Variants in UROC1 observed in about 807,000 individuals in gnomAD.
The protein encoded by UROC1 is urocanate hydratase 1, also known as urocanate hydratase.
A neutral mutation model predicts 89.5 loss-of-function variants in UROC1; 79 were observed. The ratio of observed to expected loss-of-function variants is 0.88; its 90% CI spans 0.74 to 1.06. The LOEUF is 1.06. Ranked by LOEUF, UROC1 falls within the 50% of genes least tolerant of loss-of-function variation. UROC1 has a pLI of 0.00. For missense variants in UROC1, 885 were observed against 907.8 expected (o/e 0.97, Z 0.32); for synonymous variants, 361 against 354.8 (o/e 1.02, Z -0.20).
At chr3:126,513,085 AC>A (rs1363268503) in intron 1 of UROC1, among the ~76,000 whole-genome samples, 1 of 152,102 alleles carries the variant, frequency 6.6e-6, no homozygotes, top group African/African-American at 2.4e-5. Context: ...GTGGCTGAGC[AC>A]CGAAATGAAG....
intron 10 of UROC1, 77 bp downstream of exon 10, chr3:126,501,140 TG>T: frequency 6.9e-7 from 1 of 1,456,578 alleles, no homozygotes; most frequent in Non-Finnish European, 9.6e-7. Context: ...TGGCAGCTCC[TG>T]GTCAGCATTG....
intron 14 of UROC1, 119 bp downstream of exon 14, chr3:126,497,932 C>G (rs1487994026): frequency 1.0e-5 from 16 of 1,573,250 alleles, no homozygotes; most frequent in Non-Finnish European, 1.4e-5. Context: ...ACAAAGTCAT[C>G]TGCGCCCAGG....
In UROC1 at chr3:126,483,595, C is replaced by G. The variant is rs1192952628; in HGVS notation, c.1791-127G>C. ...GGGTTGGGGCCGCCACACCGCCAGC[C>G]TCTGCAACCTGGTGGATGCAGGAGT... On this transcript the variant is annotated intron_variant, in intron 18 of 19. Coordinates refer to ENST00000290868, the MANE Select transcript of UROC1 (RefSeq NM_144639.3). 5 of 845,738 alleles carry G rather than the reference C, an allele frequency of 5.9e-6. No homozygotes were observed. In the African/African-American group the frequency reaches 8.3e-5, roughly 14 times the overall value. The allele number at this position is 845,738 out of a possible 1,614,324, so 52.4% of individuals were successfully genotyped here. A position where few individuals can be genotyped will look rare whatever the true frequency, so the allele number is the denominator to read the frequency against.
chr3:126,507,817 T>TG lies in UROC1; in HGVS notation c.541-15dup, dbSNP rs570757415. 1.5e-3 allele frequency: 2,445 copies of TG among 1,613,972 alleles called. 56 individuals are homozygous for TG. The South Asian group carries it at 0.025, about 17-fold the overall frequency. ...GTTGGGAATGACCTGGAGAAGAGGA[T>TG]GGGGGCAGACAGAGGGGCTGAGGGC... is the stretch of plus-strand genomic sequence containing the variant. On this transcript the variant is annotated splice_polypyrimidine_tract_variant and intron_variant, in intron 5 of 19. Transcript: ENST00000290868.
At chr3:126,508,986 C>G (rs1936132328) in intron 3 of UROC1, among the ~76,000 whole-genome samples, 1 of 152,088 alleles carries the variant, frequency 6.6e-6, no homozygotes, top group South Asian at 2.1e-4. Context: ...CTGCTCCTTG[C>G]ATAGATACAC....
chr3:126,493,550 A>G (rs968151206), intron 15 of UROC1, among the ~76,000 whole-genome samples: 1 of 152,180 alleles, frequency 6.6e-6, no homozygotes. Flanking sequence ...TCTCGCTTAT[A>G]TGAGGTTGTT....
chr3:126,501,667 G>T (rs1002530236), intron 9 of UROC1: 1 of 1,165,684 alleles, frequency 8.6e-7, no homozygotes, highest in African/African-American at 1.5e-5. Flanking sequence ...CGGAAAAATA[G>T]GACAGGAAAA....
chr3:126,513,993 A>AC (rs1042458526), intron 1 of UROC1, among the ~76,000 whole-genome samples: 4 of 152,246 alleles, frequency 2.6e-5, no homozygotes, highest in Admixed American at 2.6e-4. Context: ...CTCCGTCTCC[A>AC]CATCTGTGCA....
In UROC1 at chr3:126,492,521, G is replaced by A; in HGVS notation, c.1510-5C>T. ...CCTTGCCTGGGAGCCCACCACCTGA[G>A]GAGAGAAGGGCAACTGGCATCTCAG... On this transcript the variant is annotated splice_polypyrimidine_tract_variant and splice_region_variant and intron_variant, in intron 15 of 19. Coordinates refer to ENST00000290868, the MANE Select transcript of UROC1 (RefSeq NM_144639.3). The A allele has an allele frequency of 6.2e-7, 1 of 1,609,832 alleles. No homozygotes were observed. The highest frequency in any genetic ancestry group is 8.5e-7 in the Non-Finnish European group (1 of 1,179,078).
chr3:126,500,678 C>A lies in UROC1; in HGVS notation c.1145+17G>T. ...CCCAGGCCAAATGCTTCTGCCACCC[C>A]CAACTCCAAGTAGCACCTTTCCTGG... On this transcript the variant is annotated intron_variant, in intron 11 of 19. Coordinates refer to ENST00000290868, the MANE Select transcript of UROC1 (RefSeq NM_144639.3). 6.2e-7 allele frequency: 1 copy of A among 1,614,080 alleles called. No individual in the cohort carries two copies.
At position 126,499,197 on chromosome 3, in the gene UROC1, G is replaced by T. The variant is rs1406742909; in HGVS notation, c.1316+140C>A. ...ATGGACAGAGCCTGGCCACTTTGGG[G>T]CAGTGTGGAGGTCTCAGCGCATGAC... On this transcript the variant is annotated intron_variant, in intron 13 of 19. Transcript: ENST00000290868. 4.5e-6 allele frequency: 4 copies of T among 898,872 alleles called. No individual in the cohort carries two copies. The South Asian group carries it at 5.8e-5, about 13-fold the overall frequency. 55.7% of individuals were successfully genotyped at this position (898,872 alleles called of 1,614,324 possible).
chr3:126,511,465 C>T (rs981903714), intron 1 of UROC1, among the ~76,000 whole-genome samples: 3 of 152,234 alleles, frequency 2.0e-5, no homozygotes, highest in African/African-American at 7.2e-5. Flanking sequence ...ACACCACTGT[C>T]CTCACTATTC....
chr3:126,508,485 A>C lies in UROC1; in HGVS notation c.352-10T>G. 6.2e-7 allele frequency: 1 copy of C among 1,612,684 alleles called. No homozygotes were observed. The highest frequency in any genetic ancestry group is 8.5e-7 in the Non-Finnish European group (1 of 1,179,250). Reference sequence around the variant, plus strand: ...CCAGCTCCTGGGGAAACTGAGGAAGACACGGGGTCATCTGAGATGAGGGCC... The same window carrying C: ...CCAGCTCCTGGGGAAACTGAGGAAGCCACGGGGTCATCTGAGATGAGGGCC... On this transcript the variant is annotated splice_polypyrimidine_tract_variant and intron_variant, in intron 3 of 19. Coordinates refer to ENST00000290868, the MANE Select transcript of UROC1 (RefSeq NM_144639.3).
At chr3:126,488,990 A>G (rs1049373072) in intron 17 of UROC1, among the ~76,000 whole-genome samples, 12 of 152,172 alleles carry the variant, frequency 7.9e-5, no homozygotes, top group African/African-American at 2.9e-4. Flanking sequence ...AAAAAAGGCA[A>G]GAAATGCAGC....
rs1320360409 is a variant in UROC1 at position 126,500,801 on chromosome 3, G to A, written c.1039C>T (p.His347Tyr). 1 of 1,613,954 alleles carries A rather than the reference G, an allele frequency of 6.2e-7. No homozygotes were observed. Among genetic ancestry groups the A allele is most frequent in the South Asian group, 1.1e-5 (1 of 91,088 alleles). The change falls in exon 11 of 20, where the codon CAC becomes TAC. Residue 347 changes from histidine (H) to tyrosine (Y), a missense_variant. His to Tyr is a moderately conservative substitution (Grantham distance 83). Coordinates refer to ENST00000290868, the MANE Select transcript of UROC1 (RefSeq NM_144639.3). ...VDLGSDQTSC[H>Y]NPFNGGYYPV... ...TAGTAGCCGCCATTGAACGGGTTGT[G>A]GCAGGATGTCTGATCTGACCCCAGG...
At chr3:126,483,566 G>A (rs1043007843) in intron 18 of UROC1, 98 bp from the exon 19 acceptor site, 109 of 1,181,834 alleles carry the variant, frequency 9.2e-5, no homozygotes, top group Middle Eastern at 2.1e-4. Flanking sequence ...TTGAGACGGC[G>A]TCAGGGTTGG....
chr3:126,489,185 T>C, intron 17 of UROC1, 91 bp downstream of exon 17: 1 of 1,284,904 alleles, frequency 7.8e-7, no homozygotes, highest in Non-Finnish European at 1.1e-6. Flanking sequence ...TGCCAGAACA[T>C]CTTTCGAAAC....
At chr3:126,487,232 G>A (rs932274565) in intron 18 of UROC1, among the ~76,000 whole-genome samples, 12 of 152,194 alleles carry the variant, frequency 7.9e-5, no homozygotes, top group African/African-American at 2.7e-4. Context: ...TCCATCGCCA[G>A]CTCTGTGGCC....
At chr3:126,494,812 G>A (rs561184601) in intron 15 of UROC1, among the ~76,000 whole-genome samples, 23 of 152,090 alleles carry the variant, frequency 1.5e-4, no homozygotes, top group Non-Finnish European at 2.4e-4. Context: ...GCCATTCTGT[G>A]TGAGGCAGCC....
Sources: gnomAD v4.1 joint callset for allele counts (sites outside exome capture counted in the v4.1 genomes callset) on GRCh38, gnomAD v4.1.1 for gene constraint, MANE v1.5 for transcripts, NCBI Gene and HGNC (gene_info 2026-07-23, HGNC 2026-07-21) for gene names.